Variants in CCDC178 observed in about 807,000 individuals in gnomAD.
The protein encoded by CCDC178 is coiled-coil domain-containing protein 178.
In CCDC178, 126 loss-of-function variants were observed where a neutral mutation model predicts 117.4. That is an observed-to-expected ratio of 1.07 (90% CI 0.93 to 1.24). The LOEUF (loss-of-function observed/expected upper bound fraction) is 1.24. Ranked by LOEUF, CCDC178 falls within the 50% of genes most tolerant of loss-of-function variation. The probability of loss-of-function intolerance (pLI) is 0.00; values close to 1 mark genes in which losing one functional copy is unlikely to be tolerated. For missense variants in CCDC178, 1,030 were observed against 986.9 expected (o/e 1.04, Z -0.59); for synonymous variants, 283 against 313.4 (o/e 0.90, Z 1.02).
intron 21 of CCDC178, among the ~76,000 whole-genome samples, chr18:33,091,812 T>C (rs370260531): frequency 2.0e-5 from 3 of 152,178 alleles, no homozygotes; most frequent in African/African-American, 2.4e-5. Flanking sequence ...TTATTATGAA[T>C]GGCTCTTTTT....
intron 9 of CCDC178, among the ~76,000 whole-genome samples, chr18:33,339,181 T>A (rs1394762130): frequency 1.3e-5 from 2 of 151,952 alleles, no homozygotes; most frequent in Non-Finnish European, 2.9e-5. Context: ...AAGCATCTAA[T>A]TTATAAAAAG....
intron 10 of CCDC178, among the ~76,000 whole-genome samples, chr18:33,329,486 G>T (rs1275959960): frequency 6.6e-6 from 1 of 152,040 alleles, no homozygotes; most frequent in African/African-American, 2.4e-5. Context: ...TTTGTTGAGG[G>T]TTTTTATCAT....
chr18:33,299,533 A>ACACT (rs1311861845), intron 11 of CCDC178, among the ~76,000 whole-genome samples: 2 of 151,320 alleles, frequency 1.3e-5, no homozygotes, highest in Admixed American at 6.6e-5. Context: ...ACACACACAC[A>ACACT]CTCAGAGGAA....
intron 20 of CCDC178, among the ~76,000 whole-genome samples, chr18:33,122,212 G>A (rs1241072004): frequency 6.6e-6 from 1 of 152,096 alleles, no homozygotes; most frequent in South Asian, 2.1e-4. Context: ...AAGAATGCTT[G>A]CATTATTTGT....
chr18:32,942,063 A>AT (rs1003338708), intron 22 of CCDC178, among the ~76,000 whole-genome samples: 3 of 152,128 alleles, frequency 2.0e-5, no homozygotes, highest in African/African-American at 7.2e-5. Flanking sequence ...TAAAGAGAAA[A>AT]TGGGAGGATA....
chr18:33,404,059 G>T (rs1009946026), intron 3 of CCDC178, among the ~76,000 whole-genome samples: 1 of 152,138 alleles, frequency 6.6e-6, no homozygotes, highest in Admixed American at 6.5e-5. Context: ...CCAATGGAAA[G>T]AGGGAAATAT....
chr18:33,180,709 C>T (rs1400654156), intron 20 of CCDC178, among the ~76,000 whole-genome samples: 2 of 152,072 alleles, frequency 1.3e-5, no homozygotes, highest in East Asian at 1.9e-4. Context: ...CATCACAAAA[C>T]AGTTGGTATA....
intron 15 of CCDC178, among the ~76,000 whole-genome samples, chr18:33,230,883 C>T (rs1568074072): frequency 2.0e-5 from 3 of 152,186 alleles, no homozygotes; most frequent in South Asian, 2.1e-4. Flanking sequence ...GCCTGTGGCC[C>T]AGCTTGTGCT....
chr18:33,356,139 T>G (rs111979175), intron 7 of CCDC178, among the ~76,000 whole-genome samples, 185 bp downstream of exon 7: 103 of 152,282 alleles, frequency 6.8e-4, no homozygotes, highest in African/African-American at 2.4e-3. Context: ...GCTCTGGAGA[T>G]CTCTAGTTTG....
intron 20 of CCDC178, among the ~76,000 whole-genome samples, chr18:33,187,322 C>T (rs955757626): frequency 2.6e-5 from 4 of 152,044 alleles, no homozygotes; most frequent in African/African-American, 9.7e-5. Flanking sequence ...ACCCTGTCTC[C>T]ACTCCATGAC....
intron 11 of CCDC178, among the ~76,000 whole-genome samples, chr18:33,321,912 A>C (rs2062515894): frequency 6.6e-6 from 1 of 151,958 alleles, no homozygotes; most frequent in South Asian, 2.1e-4. Context: ...ATATATCTAA[A>C]ATATAAAAAC....
chr18:33,090,748 A>C (rs1218520363), intron 21 of CCDC178, among the ~76,000 whole-genome samples: 1 of 152,192 alleles, frequency 6.6e-6, no homozygotes, highest in Non-Finnish European at 1.5e-5. Context: ...AATGATTGGA[A>C]GTACAAATAA....
chr18:33,271,335 A>T (rs904154261), intron 12 of CCDC178, among the ~76,000 whole-genome samples: 2 of 151,500 alleles, frequency 1.3e-5, no homozygotes, highest in Non-Finnish European at 3.0e-5. Context: ...CCTATCATAT[A>T]CGGTTCACAA....
intron 21 of CCDC178, among the ~76,000 whole-genome samples, chr18:33,021,663 CTT>C (rs1309402436): frequency 6.6e-6 from 1 of 152,232 alleles, no homozygotes; most frequent in African/African-American, 2.4e-5. Context: ...ACAGTTCTGA[CTT>C]GACCTTCCTA....
At chr18:33,287,774 G>A (rs1002378326) in intron 12 of CCDC178, among the ~76,000 whole-genome samples, 15 of 151,896 alleles carry the variant, frequency 9.9e-5, no homozygotes, top group East Asian at 3.9e-4. Flanking sequence ...GAGAGACACC[G>A]TCTCAAAATA....
At chr18:33,084,633 A>G in intron 21 of CCDC178, among the ~76,000 whole-genome samples, 1 of 151,936 alleles carries the variant, frequency 6.6e-6, no homozygotes, top group East Asian at 1.9e-4. Flanking sequence ...CAACATACTG[A>G]AACCCCGTCT....
At chr18:33,101,579 T>G (rs2057628846) in intron 20 of CCDC178, among the ~76,000 whole-genome samples, 1 of 151,954 alleles carries the variant, frequency 6.6e-6, no homozygotes, top group South Asian at 2.1e-4. Context: ...ATGTGCTGCC[T>G]TCTTGGCCCA....
At chr18:33,180,430 T>A (rs2058720906) in intron 20 of CCDC178, among the ~76,000 whole-genome samples, 1 of 151,904 alleles carries the variant, frequency 6.6e-6, no homozygotes, top group African/African-American at 2.4e-5. Context: ...CAGTATAATA[T>A]ATCATAATGA....
intron 11 of CCDC178, among the ~76,000 whole-genome samples, chr18:33,310,523 A>C (rs890796498): frequency 9.2e-5 from 14 of 152,002 alleles, no homozygotes; most frequent in African/African-American, 3.4e-4. Flanking sequence ...CCCCATCGCT[A>C]CAAGAAACAA....
Sources: gnomAD v4.1 joint callset for allele counts (sites outside exome capture counted in the v4.1 genomes callset) on GRCh38, gnomAD v4.1.1 for gene constraint, MANE v1.5 for transcripts, NCBI Gene and HGNC (gene_info 2026-07-23, HGNC 2026-07-21) for gene names.